The following FCGR3B variants were observed in gnomAD, a reference collection of about 807,000 sequenced individuals.
The protein encoded by FCGR3B is low affinity immunoglobulin gamma Fc region receptor III-B.
Under a neutral mutation model 26.7 loss-of-function variants are expected in FCGR3B, and 20 were observed. That is an observed-to-expected ratio of 0.75 (90% CI 0.53 to 1.09). The LOEUF (loss-of-function observed/expected upper bound fraction) is 1.09. Ranked by LOEUF, FCGR3B falls within the 50% of genes least tolerant of loss-of-function variation. The probability of loss-of-function intolerance (pLI) is 0.00; values close to 1 mark genes in which losing one functional copy is unlikely to be tolerated. For missense variants in FCGR3B, 191 were observed against 279.7 expected, an observed-to-expected ratio of 0.68 and a Z score of 2.26; for synonymous variants, 79 against 107.0, an observed-to-expected ratio of 0.74 and a Z score of 1.62.
At position 161,624,424 on chromosome 1, in the gene FCGR3B, T is replaced by G. The variant is rs1049022758; in HGVS notation, c.*91A>C. On this transcript the variant is annotated 3_prime_UTR_variant, in exon 5 of 5. Transcript: ENST00000650385. The stretch of plus-strand genomic sequence containing the variant: ...AAATGTTCAGAGATGCTGCTGCCAC[T>G]GCTCTTATTACCCCCATGGGATGGG... 7.0e-7 allele frequency: 1 copy of G among 1,435,830 alleles called. No individual in the cohort carries two copies. Among genetic ancestry groups the G allele is most frequent in the African/African-American group, 1.5e-5 (1 of 67,984 alleles). 88.9% of individuals were successfully genotyped at this position (1,435,830 alleles called of 1,614,324 possible).
Position 161,624,490 on chromosome 1 carries a change from G to C in FCGR3B, c.*25C>G, listed in dbSNP as rs1428253703. Reference sequence around the variant, plus strand: ...GGGTCCTTTCTCCATTTAAGTTTATGGTCCTTCCAGTCTCTTGTTGAGCTT... The same window carrying C: ...GGGTCCTTTCTCCATTTAAGTTTATCGTCCTTCCAGTCTCTTGTTGAGCTT... On this transcript the variant is annotated 3_prime_UTR_variant, in exon 5 of 5. Coordinates refer to ENST00000650385, the MANE Select transcript of FCGR3B (RefSeq NM_001244753.2). 7 of 1,603,668 alleles carry C rather than the reference G, an allele frequency of 4.4e-6. 1 individual carries two copies. Among genetic ancestry groups the C allele is most frequent in the South Asian group, 1.1e-5 (1 of 90,076 alleles).
upstream of FCGR3B, among the ~76,000 whole-genome samples, chr1:161,631,702 G>T (rs1257173506): frequency 2.4e-5 from 3 of 126,530 alleles, no homozygotes; most frequent in African/African-American, 8.8e-5. Flanking sequence ...AAATCTATAT[G>T]CTCCTGGGAT....
In FCGR3B at chr1:161,631,033, A is replaced by T; in HGVS notation, c.40+22T>A. The stretch of plus-strand genomic sequence containing the variant: ...CCAAGGCATCTCAAACTTCTCCCTC[A>T]ACCAGGGAGATCCTGACTTACCTAG... On this transcript the variant is annotated intron_variant, in intron 1 of 4. Coordinates refer to ENST00000650385, the MANE Select transcript of FCGR3B (RefSeq NM_001244753.2). The T allele has an allele frequency of 6.2e-7, 1 of 1,600,814 alleles. No homozygotes were observed.
chr1:161,627,855 C>T lies in FCGR3B; in HGVS notation c.320-1453G>A, dbSNP rs529193290. ...GTTCTCAGCCTCAAAGAATCTACAG[C>T]CTAGACATAGAAACATAAATATTCA... On this transcript the variant is annotated intron_variant, in intron 3 of 4. Transcript: ENST00000650385. Among the ~76,000 whole-genome samples, 84 of 149,888 alleles carry T rather than the reference C, an allele frequency of 5.6e-4. 3 individuals carry two copies. Among genetic ancestry groups the T allele is most frequent in the Admixed American group, 3.1e-3 (46 of 14,948 alleles).
rs1679352111 is a variant in FCGR3B, at chr1:161,624,333, C to T, written c.*182G>A. ...ATCGAGAGTTGGATAAAGGATCTGGCTCTGAGTTCTATGTTTCCTGCTGCT... is the reference window on the plus strand; with the variant it reads ...ATCGAGAGTTGGATAAAGGATCTGGTTCTGAGTTCTATGTTTCCTGCTGCT... On this transcript the variant is annotated 3_prime_UTR_variant, in exon 5 of 5. Transcript: ENST00000650385. The T allele has an allele frequency of 1.4e-6, 1 of 726,820 alleles. No homozygotes were observed. The highest frequency in any genetic ancestry group is 2.4e-5 in the South Asian group (1 of 41,946). 45.0% of individuals were successfully genotyped at this position (726,820 alleles called of 1,614,324 possible).
In FCGR3B at chr1:161,624,369, C is replaced by G; in HGVS notation, c.*146G>C. The G allele has an allele frequency of 2.1e-6, 2 of 935,094 alleles. No individual in the cohort carries two copies. Among genetic ancestry groups the G allele is most frequent in the Non-Finnish European group, 3.3e-6 (2 of 611,746 alleles). The allele number at this position is 935,094 out of a possible 1,614,324, so 57.9% of individuals were successfully genotyped here. The stretch of plus-strand genomic sequence containing the variant: ...ATGTTTCCTGCTGCTTGTAGAGAGG[C>G]CTGAGGATGATGGGGTTGCAAATCC... On this transcript the variant is annotated 3_prime_UTR_variant, in exon 5 of 5. Transcript: ENST00000650385.
At chr1:161,631,367 C>G (rs1173683203), upstream of FCGR3B, 2 of 684,080 alleles carry the variant, frequency 2.9e-6, no homozygotes, top group Non-Finnish European at 4.9e-6. Flanking sequence ...GGCTGAGCAT[C>G]TGAGGACACA....
At position 161,629,858 on chromosome 1, in the gene FCGR3B, G is replaced by A. The variant is rs754058335; in HGVS notation, c.239C>T (p.Thr80Ile). 14 of 1,480,792 alleles carry A rather than the reference G, an allele frequency of 9.5e-6. 1 individual carries two copies. Among genetic ancestry groups the A allele is most frequent in the South Asian group, 1.2e-5 (1 of 82,380 alleles). The allele number at this position is 1,480,792 out of a possible 1,614,324, so 91.7% of individuals were successfully genotyped here. A position where few individuals can be genotyped will look rare whatever the true frequency, so the allele number is the denominator to read the frequency against. Reference protein sequence around the residue: ...QASSYFIDAATVNDSGEYRCQ... With the variant: ...QASSYFIDAAIVNDSGEYRCQ... ...CCTGTACTCTCCACTGTCGTTGACT[G>A]TGGCAGCGTCAATGAAGTAGCTCGA... Residue 80 changes from threonine to isoleucine, a missense_variant, in exon 3 of 5, where the codon ACA (threonine) becomes ATA (isoleucine). By Grantham distance (89) the Thr-to-Ile change is moderately conservative. Transcript: ENST00000650385.
At chr1:161,628,178 C>T (rs538701627) in intron 3 of FCGR3B, among the ~76,000 whole-genome samples, 1 of 150,078 alleles carries the variant, frequency 6.7e-6, no homozygotes, top group African/African-American at 2.5e-5. Flanking sequence ...GAGGCTGAAG[C>T]AGGAGAATCG....
intron 3 of FCGR3B, among the ~76,000 whole-genome samples, chr1:161,628,302 C>A (rs1298706036): frequency 6.7e-6 from 1 of 149,588 alleles, no homozygotes; most frequent in African/African-American, 2.5e-5. Context: ...AACAAACAAA[C>A]AAAGAAGTAA....
upstream of FCGR3B, chr1:161,631,342 C>A: frequency 6.0e-6 from 5 of 832,540 alleles, no homozygotes; most frequent in Non-Finnish European, 9.3e-6. Flanking sequence ...CCCCTTTACT[C>A]TCCCAAAGGT....
intron 3 of FCGR3B, among the ~76,000 whole-genome samples, chr1:161,629,191 G>A (rs1247917323): frequency 1.5e-5 from 1 of 64,870 alleles, no homozygotes; most frequent in Non-Finnish European, 3.2e-5. Context: ...ACTTTGGAAA[G>A]CCAAGACCGG....
rs183274153 is a variant in FCGR3B, at chr1:161,629,445, A to G, written c.319+333T>C. 1.0e-3 allele frequency among the ~76,000 whole-genome samples: 65 copies of G among 63,668 alleles called. 6 individuals are homozygous for G. The highest frequency in any genetic ancestry group is 3.8e-3 in the African/African-American group (64 of 16,846). The allele number at this position is 63,668 out of a possible 152,430, so 41.8% of individuals were successfully genotyped here. ...CTCTGTCTCAAAAAATAAAATTAAA[A>G]AAAATGAAAATAAATAAATAAATAA... On this transcript the variant is annotated intron_variant, in intron 3 of 4. Coordinates refer to ENST00000650385, the MANE Select transcript of FCGR3B (RefSeq NM_001244753.2).
intron 3 of FCGR3B, 116 bp from the exon 4 acceptor site, chr1:161,626,518 T>A: frequency 6.6e-6 from 6 of 912,080 alleles, no homozygotes; most frequent in Non-Finnish European, 8.1e-6. Flanking sequence ...AGATTGGGAG[T>A]CAACCCTGCA....
At chr1:161,625,853 T>G (rs1679424298) in intron 4 of FCGR3B, among the ~76,000 whole-genome samples, 1 of 147,620 alleles carries the variant, frequency 6.8e-6, no homozygotes, top group Non-Finnish European at 1.5e-5. Flanking sequence ...GTGATTAGGG[T>G]AAGGAAAGAC....
At chr1:161,628,140 G>T (rs1358765320) in intron 3 of FCGR3B, among the ~76,000 whole-genome samples, 2 of 149,912 alleles carry the variant, frequency 1.3e-5, no homozygotes, top group Non-Finnish European at 1.5e-5. Flanking sequence ...GGGCGTGGTG[G>T]CATGCACCTG....
At chr1:161,628,246 T>C (rs1679572730) in intron 3 of FCGR3B, among the ~76,000 whole-genome samples, 1 of 149,886 alleles carries the variant, frequency 6.7e-6, no homozygotes, top group African/African-American at 2.5e-5. Context: ...GCACTCCAGC[T>C]TGGGTGACAG....
Position 161,630,640 on chromosome 1 carries a change from A to T in FCGR3B, c.41-252T>A, listed in dbSNP as rs1451170780. On this transcript the variant is annotated intron_variant, in intron 1 of 4. Coordinates refer to ENST00000650385, the MANE Select transcript of FCGR3B (RefSeq NM_001244753.2). ...TACCCCTTGCTCCCTGTGCAAACTC[A>T]CAAATTAAGGGTACAGGTTGAATTT... 5.3e-6 allele frequency: 3 copies of T among 568,828 alleles called. 1 individual carries two copies. The highest frequency in any genetic ancestry group is 6.0e-5 in the East Asian group (2 of 33,314). 35.2% of individuals were successfully genotyped at this position (568,828 alleles called of 1,614,324 possible).
In FCGR3B at chr1:161,630,814, T is replaced by C. The variant is rs1302918154; in HGVS notation, c.40+241A>G. The C allele has an allele frequency of 4.5e-6, 4 of 888,442 alleles. 1 individual carries two copies. Among genetic ancestry groups the C allele is most frequent in the Non-Finnish European group, 6.5e-6 (4 of 617,822 alleles). 55.0% of individuals were successfully genotyped at this position (888,442 alleles called of 1,614,324 possible). A position where few individuals can be genotyped will look rare whatever the true frequency, so the allele number is the denominator to read the frequency against. ...GTCGAAGCTCTTTGGTTCCACATAG[T>C]GATTCTGGGACCCAGAGGGGTGAAG... On this transcript the variant is annotated intron_variant, in intron 1 of 4. Transcript: ENST00000650385.
Sources: gnomAD v4.1 joint callset for allele counts (sites outside exome capture counted in the v4.1 genomes callset) on GRCh38, gnomAD v4.1.1 for gene constraint, MANE v1.5 for transcripts, NCBI Gene and HGNC (gene_info 2026-07-23, HGNC 2026-07-21) for gene names.